The following ZNF292 variants were observed in gnomAD, a reference collection of about 807,000 sequenced individuals.
The protein encoded by ZNF292 is zinc finger protein 292.
In ZNF292, 26 loss-of-function variants were observed where a neutral mutation model predicts 217.9. The ratio of observed to expected loss-of-function variants is 0.12; its 90% CI spans 0.09 to 0.17. The LOEUF is 0.17. Among genes scored for constraint, ZNF292 ranks in the 10% least tolerant of loss-of-function variants. ZNF292 has a pLI of 1.00. For synonymous variants in ZNF292, 1,257 were observed against 1,124.1 expected (o/e 1.12, Z -2.37); for missense variants, 2,904 against 3,175.2 (o/e 0.91, Z 2.05).
chr6:87,222,792 T>G (rs1452177499), intron 4 of ZNF292: 1 of 453,488 alleles, frequency 2.2e-6, no homozygotes, highest in Non-Finnish European at 4.4e-6. Flanking sequence ...GATACCACAT[T>G]ACATTTAGTC....
At chr6:87,184,332 G>A (rs1771568750) in intron 1 of ZNF292, among the ~76,000 whole-genome samples, 1 of 152,150 alleles carries the variant, frequency 6.6e-6, no homozygotes, top group Non-Finnish European at 1.5e-5. Context: ...GTAAGTATAT[G>A]TTGTCTTTTT....
In ZNF292 at chr6:87,216,326, G is replaced by A. The variant is rs1772773882; in HGVS notation, c.351G>A (p.Leu117=). The change falls in exon 3 of 8, where the codon CTG becomes CTA. Residue 117 remains leucine (L), a synonymous_variant. Transcript: ENST00000369577. ...GCTGTGTTGAACTTTTACTGTGTCT[G>A]CCTGTTGAGTTATCAGATAAACAGT... The part of the protein sequence containing the change: ...ALSCVELLLC[L]PVELSDKQWE... The A allele has an allele frequency of 1.3e-6, 2 of 1,585,446 alleles. No homozygotes were observed. Among genetic ancestry groups the A allele is most frequent in the Non-Finnish European group, 1.7e-6 (2 of 1,163,784 alleles).
At chr6:87,161,986 T>C (rs1301721544) in intron 1 of ZNF292, among the ~76,000 whole-genome samples, 1 of 152,206 alleles carries the variant, frequency 6.6e-6, no homozygotes, top group Non-Finnish European at 1.5e-5. Flanking sequence ...TAGCTGCTCA[T>C]GTAAGTTTTT....
At chr6:87,220,274 GT>G (rs1451145563) in intron 4 of ZNF292, among the ~76,000 whole-genome samples, 1 of 152,028 alleles carries the variant, frequency 6.6e-6, no homozygotes, top group Middle Eastern at 3.2e-3. Flanking sequence ...AATATTAGAT[GT>G]GATATATTAG....
chr6:87,191,605 T>C (rs546417455), intron 1 of ZNF292, among the ~76,000 whole-genome samples: 2 of 152,252 alleles, frequency 1.3e-5, no homozygotes, highest in Non-Finnish European at 2.9e-5. Flanking sequence ...ATAAACATTC[T>C]ACAACACTTG....
chr6:87,233,527 GGTGA>G lies in ZNF292; in HGVS notation c.741+3_741+6del. On this transcript the variant is annotated splice_donor_variant and splice_donor_region_variant and intron_variant, in intron 5 of 7. Coordinates refer to ENST00000369577, the MANE Select transcript of ZNF292 (RefSeq NM_015021.3). LOFTEE classifies it high-confidence loss of function. ...CACCAAATGGAAAGTTAATCGAAGAGGTGAGTATGTTTTCTTTCATTAGTAATTA... is the reference window on the plus strand; with the variant it reads ...CACCAAATGGAAAGTTAATCGAAGAGGTATGTTTTCTTTCATTAGTAATTA... 6.2e-7 allele frequency: 1 copy of G among 1,600,280 alleles called. No homozygotes were observed. The highest frequency in any genetic ancestry group is 8.5e-7 in the Non-Finnish European group (1 of 1,173,218).
intron 7 of ZNF292, among the ~76,000 whole-genome samples, chr6:87,247,428 A>AC (rs1455531346): frequency 6.6e-6 from 1 of 152,188 alleles, no homozygotes; most frequent in East Asian, 1.9e-4. Context: ...GGTATGTCCA[A>AC]CTGGACTCTG....
chr6:87,189,082 G>A (rs755751488), intron 1 of ZNF292, among the ~76,000 whole-genome samples: 2 of 152,028 alleles, frequency 1.3e-5, no homozygotes, highest in African/African-American at 4.8e-5. Flanking sequence ...GCGAGCGCCT[G>A]TAATTGCAGC....
At chr6:87,179,745 A>C (rs1771414024) in intron 1 of ZNF292, among the ~76,000 whole-genome samples, 1 of 152,132 alleles carries the variant, frequency 6.6e-6, no homozygotes, top group Admixed American at 6.5e-5. Context: ...CTCTGTTTGG[A>C]AACCACTAGT....
intron 1 of ZNF292, among the ~76,000 whole-genome samples, chr6:87,184,157 T>C (rs1385274779): frequency 6.6e-6 from 1 of 152,180 alleles, no homozygotes. Context: ...ACCTCCAAAA[T>C]TGGAAATGAT....
chr6:87,199,900 C>G (rs753107183), intron 1 of ZNF292, among the ~76,000 whole-genome samples: 1 of 152,060 alleles, frequency 6.6e-6, no homozygotes, highest in Non-Finnish European at 1.5e-5. Context: ...GCTGGGTTTC[C>G]TACCATTGTA....
At chr6:87,169,053 A>AT (rs1771007477) in intron 1 of ZNF292, among the ~76,000 whole-genome samples, 1 of 145,868 alleles carries the variant, frequency 6.9e-6, no homozygotes, top group African/African-American at 2.5e-5. Flanking sequence ...TTTAATTTTT[A>AT]TTTTTTTGAG....
chr6:87,210,563 C>T (rs1290249101), intron 1 of ZNF292, among the ~76,000 whole-genome samples: 7 of 151,732 alleles, frequency 4.6e-5, no homozygotes, highest in South Asian at 2.1e-4. Context: ...GGGCGGATCA[C>T]GAGGTCAAGA....
chr6:87,265,540 A>G lies in ZNF292; in HGVS notation c.*3739A>G, dbSNP rs1775779988. On this transcript the variant is annotated 3_prime_UTR_variant, in exon 8 of 8. Coordinates refer to ENST00000369577, the MANE Select transcript of ZNF292 (RefSeq NM_015021.3). Reference sequence around the variant, plus strand: ...CAGCCTCTCTTAAATAATTTAATGCATGTTTGCATATTAAAGACAAAAGTT... The same window carrying G: ...CAGCCTCTCTTAAATAATTTAATGCGTGTTTGCATATTAAAGACAAAAGTT... 6.6e-6 allele frequency among the ~76,000 whole-genome samples: 1 copy of G among 152,198 alleles called. No individual in the cohort carries two copies. Among genetic ancestry groups the G allele is most frequent in the South Asian group, 2.1e-4 (1 of 4,832 alleles).
At chr6:87,158,859 C>G (rs1035539398) in intron 1 of ZNF292, among the ~76,000 whole-genome samples, 3 of 152,120 alleles carry the variant, frequency 2.0e-5, no homozygotes, top group African/African-American at 4.8e-5. Context: ...TATTATTTAA[C>G]TTTTTCTGTT....
intron 1 of ZNF292, among the ~76,000 whole-genome samples, chr6:87,203,318 T>G (rs1772147312): frequency 6.6e-6 from 1 of 151,740 alleles, no homozygotes; most frequent in South Asian, 2.1e-4. Context: ...ACTTTTTGTA[T>G]TTTTAGTAGA....
rs759374718 is a variant in ZNF292 at position 87,259,834 on chromosome 6, A to T, written c.6205A>T (p.Thr2069Ser). ...TACAGTTACTTCAGAACAATGTAAT[A>T]CAAATGCACTCACAAACACACAAAC... is the stretch of plus-strand genomic sequence containing the variant. ...VITVTSEQCN[T>S]NALTNTQTKG... The change falls in exon 8 of 8, where the codon ACA becomes TCA. Residue 2069 changes from threonine (T) to serine (S), a missense_variant. Physicochemically the swap from Thr to Ser is moderately conservative, Grantham distance 58. Around this residue, in one of 15 missense-constraint regions of ZNF292, gnomAD observed 261 missense variants for 272.8 expected, o/e 0.96. Coordinates refer to ENST00000369577, the MANE Select transcript of ZNF292 (RefSeq NM_015021.3). The T allele has an allele frequency of 7.1e-5, 115 of 1,612,728 alleles. No homozygotes were observed. The highest frequency in any genetic ancestry group is 9.3e-5 in the Non-Finnish European group (110 of 1,179,338).
chr6:87,237,978 T>A (rs1773982321), intron 5 of ZNF292, among the ~76,000 whole-genome samples: 1 of 152,258 alleles, frequency 6.6e-6, no homozygotes, highest in Non-Finnish European at 1.5e-5. Flanking sequence ...TCCTTATTCC[T>A]GCATTCTATT....
At chr6:87,164,655 G>A (rs551970793) in intron 1 of ZNF292, among the ~76,000 whole-genome samples, 12 of 151,858 alleles carry the variant, frequency 7.9e-5, no homozygotes, top group Non-Finnish European at 1.5e-4. Context: ...CTGTCCCTTC[G>A]ATTGGCAAAA....
Sources: allele counts gnomAD v4.1 joint callset (sites outside exome capture counted in the v4.1 genomes callset), GRCh38; gene constraint gnomAD v4.1.1; regional missense constraint gnomAD v4.1.1; transcripts MANE v1.5; gene names NCBI Gene and HGNC (gene_info 2026-07-23, HGNC 2026-07-21).